FAM210A: variants seen among roughly 807,000 people sequenced by gnomAD.
FAM210A encodes the protein family with sequence similarity 210 member A.
FAM210A carries 13 observed loss-of-function variants against 25.3 expected under a neutral mutation model. That is an observed-to-expected ratio of 0.51 (90% CI 0.33 to 0.82). FAM210A has a LOEUF of 0.82. FAM210A is among the 40% of genes least tolerant of loss of function. The pLI is 0.02. For synonymous variants in FAM210A, 125 were observed against 118.7 expected (o/e 1.05, Z -0.35); for missense variants, 319 against 323.2 (o/e 0.99, Z 0.10).
chr18:13,677,818 TATG>T (rs1281673448), intron 2 of FAM210A, among the ~76,000 whole-genome samples: 2 of 152,100 alleles, frequency 1.3e-5, no homozygotes, highest in Admixed American at 6.5e-5. Flanking sequence ...CTAGATCTAT[TATG>T]ATAACGGTAG....
intron 1 of FAM210A, among the ~76,000 whole-genome samples, chr18:13,693,070 C>A (rs2043661966): frequency 6.6e-6 from 1 of 152,130 alleles, no homozygotes; most frequent in Non-Finnish European, 1.5e-5. Flanking sequence ...GGGGATATCA[C>A]CACTGATCCC....
intron 1 of FAM210A, among the ~76,000 whole-genome samples, chr18:13,724,427 C>T (rs73958028): frequency 0.011 from 1,734 of 152,332 alleles, 37 homozygotes; most frequent in African/African-American, 0.04. Context: ...AACTATACCA[C>T]TGGGTTCGGT....
intron 1 of FAM210A, among the ~76,000 whole-genome samples, chr18:13,685,808 A>T (rs556549953): frequency 6.6e-6 from 1 of 152,254 alleles, no homozygotes; most frequent in Admixed American, 6.5e-5. Context: ...TTCAAAATAA[A>T]CCTCCTTAAA....
At chr18:13,716,573 T>C (rs749385211) in intron 1 of FAM210A, among the ~76,000 whole-genome samples, 1 of 152,176 alleles carries the variant, frequency 6.6e-6, no homozygotes, top group Non-Finnish European at 1.5e-5. Flanking sequence ...ATAGTTTGGC[T>C]CTGTGTCCCC....
chr18:13,713,725 A>AACACACACACACAC (rs55691136), intron 1 of FAM210A, among the ~76,000 whole-genome samples: 37,704 of 141,726 alleles, frequency 0.27, 5,186 homozygotes, highest in East Asian at 0.32. Flanking sequence ...GTCACTATAA[A>AACACACACACACAC]ACACACACAC....
At chr18:13,682,149 TC>T in intron 1 of FAM210A, 44 bp from the exon 2 acceptor site, 4 of 1,275,802 alleles carry the variant, frequency 3.1e-6, no homozygotes, top group Non-Finnish European at 4.4e-6. Flanking sequence ...TACTTAGGTT[TC>T]CATTTTAAAT....
At chr18:13,685,107 G>C (rs1156680254) in intron 1 of FAM210A, among the ~76,000 whole-genome samples, 1 of 152,128 alleles carries the variant, frequency 6.6e-6, no homozygotes. Flanking sequence ...TCCTATCTAA[G>C]GGGTCTGGGG....
chr18:13,681,425 G>C (rs2043552611), intron 2 of FAM210A, among the ~76,000 whole-genome samples, 180 bp downstream of exon 2: 1 of 152,188 alleles, frequency 6.6e-6, no homozygotes, highest in Non-Finnish European at 1.5e-5. Flanking sequence ...AACTGCACCA[G>C]ATGCTTGCTC....
intron 2 of FAM210A, among the ~76,000 whole-genome samples, chr18:13,675,477 C>A (rs61385776): frequency 8.0e-5 from 2 of 25,084 alleles, no homozygotes; most frequent in East Asian, 2.1e-3. Context: ...CATTCCTGAG[C>A]CCCGACTTCA....
At chr18:13,711,483 T>TA (rs1333713234) in intron 1 of FAM210A, among the ~76,000 whole-genome samples, 4 of 152,332 alleles carry the variant, frequency 2.6e-5, no homozygotes, top group Non-Finnish European at 5.9e-5. Flanking sequence ...ATGCTCCTAT[T>TA]AAAATCAGCA....
At chr18:13,713,753 C>CACACACACACACACAT (rs1555791553) in intron 1 of FAM210A, among the ~76,000 whole-genome samples, 11 of 151,734 alleles carry the variant, frequency 7.2e-5, no homozygotes, top group Non-Finnish European at 1.5e-4. Flanking sequence ...CACACACACA[C>CACACACACACACACAT]GTTTAGAGAC....
intron 1 of FAM210A, among the ~76,000 whole-genome samples, chr18:13,695,827 G>A (rs896545769): frequency 7.9e-5 from 12 of 152,096 alleles, no homozygotes; most frequent in Non-Finnish European, 1.3e-4. Context: ...AAACCGGCAC[G>A]TTGTGCACAT....
At chr18:13,702,092 G>A (rs1168369932) in intron 1 of FAM210A, among the ~76,000 whole-genome samples, 4 of 152,172 alleles carry the variant, frequency 2.6e-5, no homozygotes, top group African/African-American at 9.6e-5. Flanking sequence ...GTGGCGGCTT[G>A]GCCCCCAAGG....
At chr18:13,669,275 T>C (rs2149050690) in intron 3 of FAM210A, among the ~76,000 whole-genome samples, 1 of 152,318 alleles carries the variant, frequency 6.6e-6, no homozygotes, top group East Asian at 1.9e-4. Context: ...AAAGTGATTT[T>C]GATGGAACAG....
At chr18:13,705,691 C>A (rs1048888500) in intron 1 of FAM210A, among the ~76,000 whole-genome samples, 1 of 152,126 alleles carries the variant, frequency 6.6e-6, no homozygotes. Flanking sequence ...AGGATGGTTT[C>A]GAACTCCTGA....
chr18:13,668,397 C>T (rs1263098956), intron 3 of FAM210A, among the ~76,000 whole-genome samples: 4 of 152,168 alleles, frequency 2.6e-5, no homozygotes, highest in Non-Finnish European at 4.4e-5. Context: ...CGTGGTGTGA[C>T]AACATTCGAT....
At chr18:13,673,776 C>T in intron 2 of FAM210A, among the ~76,000 whole-genome samples, 1 of 151,284 alleles carries the variant, frequency 6.6e-6, no homozygotes, top group Non-Finnish European at 1.5e-5. Context: ...TGAGCCCCGA[C>T]TTCATTTCCA....
chr18:13,666,284 G>T lies in FAM210A; in HGVS notation c.*196C>A. 1 of 567,114 alleles carries T rather than the reference G, an allele frequency of 1.8e-6. No homozygotes were observed. Among genetic ancestry groups the T allele is most frequent in the Non-Finnish European group, 3.1e-6 (1 of 320,066 alleles). The allele number at this position is 567,114 out of a possible 1,614,324, so 35.1% of individuals were successfully genotyped here. ...TACTGATGGCAAATTCTTAAACTGG[G>T]TTCATTTCTTCCCTTGTAATAACAC... On this transcript the variant is annotated 3_prime_UTR_variant, in exon 4 of 4. Coordinates refer to ENST00000651643, the MANE Select transcript of FAM210A (RefSeq NM_152352.4).
chr18:13,671,927 T>C lies in FAM210A; in HGVS notation c.520A>G (p.Ser174Gly). ...GAGTTTTTCAGGATGCTTACCACAC[T>C]GTCAGGTAACCCAATGAGTTCTAGA... ...PFLELIGLPD[S>G]VVSILKNSQS... Residue 174 changes from serine to glycine, a missense_variant, in exon 3 of 4, where the codon AGT becomes GGT. Ser to Gly is a moderately conservative substitution (Grantham distance 56). Transcript: ENST00000651643. 3 of 1,613,380 alleles carry C rather than the reference T, an allele frequency of 1.9e-6. No homozygotes were observed. Among genetic ancestry groups the C allele is most frequent in the African/African-American group, 2.7e-5 (2 of 74,842 alleles).
Sources: allele counts gnomAD v4.1 joint callset (sites outside exome capture counted in the v4.1 genomes callset), GRCh38; gene constraint gnomAD v4.1.1; transcripts MANE v1.5; gene names NCBI Gene and HGNC (gene_info 2026-07-23, HGNC 2026-07-21).